SYPL1: variants seen among roughly 807,000 people sequenced by gnomAD.
SYPL1 encodes synaptophysin like 1.
SYPL1 carries 6 observed loss-of-function variants against 23.7 expected under a neutral mutation model. That is an observed-to-expected ratio of 0.25 (90% CI 0.14 to 0.50). The LOEUF is 0.50. Ranked by LOEUF, SYPL1 falls within the 20% of genes least tolerant of loss-of-function variation. The pLI is 0.98. For synonymous variants in SYPL1, 102 were observed against 104.5 expected (o/e 0.98, Z 0.15); for missense variants, 253 against 288.9 (o/e 0.88, Z 0.90).
chr7:106,096,644 T>C lies in SYPL1; in HGVS notation c.402+1046A>G, dbSNP rs910268562. 2.6e-5 allele frequency among the ~76,000 whole-genome samples: 4 copies of C among 152,210 alleles called. No individual in the cohort carries two copies. The highest frequency in any genetic ancestry group is 9.7e-5 in the African/African-American group (4 of 41,446). On this transcript the variant is annotated intron_variant, in intron 3 of 4. Coordinates refer to ENST00000455385, the MANE Select transcript of SYPL1 (RefSeq NM_182715.4). The surrounding 1 kb of genome is among the most constrained non-coding windows in gnomAD (Gnocchi z 4.4). The stretch of plus-strand genomic sequence containing the variant: ...TCAGTAGGCTCTGAAGCCAAAAGTA[T>C]AGGACTTCAAATCTAAGTCCTTTGT...
At chr7:106,098,114 T>C (rs1371076467) in intron 2 of SYPL1, among the ~76,000 whole-genome samples, 2 of 152,226 alleles carry the variant, frequency 1.3e-5, no homozygotes, top group East Asian at 1.9e-4. Flanking sequence ...ACATTGAATA[T>C]AGACTGAATT....
chr7:106,103,188 T>A (rs1331697194), intron 1 of SYPL1, among the ~76,000 whole-genome samples: 2 of 152,192 alleles, frequency 1.3e-5, no homozygotes, highest in African/African-American at 4.8e-5. Flanking sequence ...CCATAGTATA[T>A]TCTTACACTG....
At chr7:106,099,906 C>T (rs1274767874) in intron 1 of SYPL1, among the ~76,000 whole-genome samples, 2 of 152,116 alleles carry the variant, frequency 1.3e-5, no homozygotes, top group Non-Finnish European at 2.9e-5. Flanking sequence ...TTGCAAACCT[C>T]GACAAATGTG....
chr7:106,098,300 A>G (rs1192623918), intron 2 of SYPL1, among the ~76,000 whole-genome samples: 2 of 152,226 alleles, frequency 1.3e-5, no homozygotes, highest in African/African-American at 4.8e-5. Context: ...CTGGATCAAT[A>G]GTTGCTAACA....
rs1840118508 is a variant in SYPL1, at chr7:106,098,041, T to C, written c.195-144A>G. On this transcript the variant is annotated intron_variant, in intron 2 of 4. Coordinates refer to ENST00000455385, the MANE Select transcript of SYPL1 (RefSeq NM_182715.4). ...GGAAAAAAGTAAAATTCAAATATTATATTTAAGTAAACTGAAATTTTCATA... is the reference window on the plus strand; with the variant it reads ...GGAAAAAAGTAAAATTCAAATATTACATTTAAGTAAACTGAAATTTTCATA... 8 of 690,642 alleles carry C rather than the reference T, an allele frequency of 1.2e-5. No individual in the cohort carries two copies. The South Asian group carries it at 1.5e-4, about 13-fold the overall frequency. 42.8% of individuals were successfully genotyped at this position (690,642 alleles called of 1,614,324 possible). A position where few individuals can be genotyped will look rare whatever the true frequency, so the allele number is the denominator to read the frequency against.
At chr7:106,092,443 C>G (rs10241822) in intron 4 of SYPL1, 25,163 of 220,470 alleles carry the variant, frequency 0.11, 2,442 homozygotes, top group African/African-American at 0.3. Flanking sequence ...GAGGCTGAAG[C>G]AGGCAGATCA....
chr7:106,107,245 TTA>T (rs1840650424), intron 1 of SYPL1, among the ~76,000 whole-genome samples: 1 of 147,770 alleles, frequency 6.8e-6, no homozygotes, highest in Non-Finnish European at 1.5e-5. Flanking sequence ...GGTATGATTT[TTA>T]TGAGTCAAAG....
chr7:106,101,777 TA>T (rs368949331), intron 1 of SYPL1, among the ~76,000 whole-genome samples: 255 of 133,320 alleles, frequency 1.9e-3, no homozygotes, highest in Non-Finnish European at 2.1e-3. Flanking sequence ...ACGTTTAAAT[TA>T]AAAAAAAAAA....
intron 1 of SYPL1, among the ~76,000 whole-genome samples, chr7:106,108,941 T>C (rs1790001398): frequency 6.6e-6 from 1 of 152,196 alleles, no homozygotes; most frequent in South Asian, 2.1e-4. Flanking sequence ...ATGAAGCAGA[T>C]AAACTGGTGG....
chr7:106,109,971 G>A lies in SYPL1; in HGVS notation c.69+2169C>T, dbSNP rs1404857574. Among the ~76,000 whole-genome samples the A allele has an allele frequency of 6.6e-6, 1 of 152,130 alleles. No homozygotes were observed. The highest frequency in any genetic ancestry group is 1.5e-5 in the Non-Finnish European group (1 of 68,036). ...AAGGTCAGAATTGGAGGGAGAAATC[G>A]ATTGATTGAGGAATTATGAGTGCCT... On this transcript the variant is annotated intron_variant, in intron 1 of 4. Coordinates refer to ENST00000455385, the MANE Select transcript of SYPL1 (RefSeq NM_182715.4). This position sits in a 1 kb window ranked among gnomAD's most constrained non-coding sequence, Gnocchi z 4.3.
In SYPL1 at chr7:106,095,184, A is replaced by G. The variant is rs1352480057; in HGVS notation, c.403-2047T>C. The stretch of plus-strand genomic sequence containing the variant: ...AAAAAAAAAGTGCTATATTTACTTC[A>G]AAAGAGAATTGAAGTAGATTTAAAT... On this transcript the variant is annotated intron_variant, in intron 3 of 4. Coordinates refer to ENST00000455385, the MANE Select transcript of SYPL1 (RefSeq NM_182715.4). The surrounding 1 kb of genome is among the most constrained non-coding windows in gnomAD (Gnocchi z 4.3). Among the ~76,000 whole-genome samples, 1 of 152,152 alleles carries G rather than the reference A, an allele frequency of 6.6e-6. No individual in the cohort carries two copies. The highest frequency in any genetic ancestry group is 1.5e-5 in the Non-Finnish European group (1 of 68,018).
At position 106,109,970 on chromosome 7, in the gene SYPL1, CGATT is replaced by C. The variant is rs1317244510; in HGVS notation, c.69+2166_69+2169del. 1.3e-5 allele frequency among the ~76,000 whole-genome samples: 2 copies of C among 152,054 alleles called. No individual in the cohort carries two copies. The highest frequency in any genetic ancestry group is 1.3e-4 in the Admixed American group (2 of 15,272). ...AAAGGTCAGAATTGGAGGGAGAAAT[CGATT>C]GATTGAGGAATTATGAGTGCCTAAA... On this transcript the variant is annotated intron_variant, in intron 1 of 4. Transcript: ENST00000455385. This position sits in a 1 kb window ranked among gnomAD's most constrained non-coding sequence, Gnocchi z 4.3.
intron 1 of SYPL1, among the ~76,000 whole-genome samples, chr7:106,108,553 A>C (rs10234891): frequency 0.15 from 23,406 of 151,984 alleles, 2,214 homozygotes; most frequent in East Asian, 0.31. Context: ...AACCACCAAC[A>C]TAAGTGAACA....
At chr7:106,106,563 A>T (rs1186294603) in intron 1 of SYPL1, among the ~76,000 whole-genome samples, 1 of 149,300 alleles carries the variant, frequency 6.7e-6, no homozygotes, top group Non-Finnish European at 1.5e-5. Context: ...AAAAAAAAAA[A>T]GACTCTGGAG....
intron 1 of SYPL1, among the ~76,000 whole-genome samples, chr7:106,108,280 T>A (rs553310824): frequency 4.5e-4 from 68 of 152,348 alleles, no homozygotes; most frequent in African/African-American, 1.6e-3. Flanking sequence ...AGTGAATCAA[T>A]ATCCTGATTG....
rs933016494 is a variant in SYPL1, at chr7:106,096,614, C to G, written c.402+1076G>C. Among the ~76,000 whole-genome samples, 1 of 152,168 alleles carries G rather than the reference C, an allele frequency of 6.6e-6. No homozygotes were observed. On this transcript the variant is annotated intron_variant, in intron 3 of 4. Coordinates refer to ENST00000455385, the MANE Select transcript of SYPL1 (RefSeq NM_182715.4). The surrounding 1 kb of genome is among the most constrained non-coding windows in gnomAD (Gnocchi z 4.4). Reference sequence around the variant, plus strand: ...ACTAACTAAATCTCAGAGAATATTTCTAGCTCAGTAGGCTCTGAAGCCAAA... The same window carrying G: ...ACTAACTAAATCTCAGAGAATATTTGTAGCTCAGTAGGCTCTGAAGCCAAA...
intron 1 of SYPL1, among the ~76,000 whole-genome samples, chr7:106,101,874 G>T (rs1840342007): frequency 6.6e-6 from 1 of 151,880 alleles, no homozygotes; most frequent in African/African-American, 2.4e-5. Flanking sequence ...AAGACAAATT[G>T]TATCTAACAG....
At chr7:106,101,079 T>C (rs576884561) in intron 1 of SYPL1, among the ~76,000 whole-genome samples, 2 of 152,202 alleles carry the variant, frequency 1.3e-5, no homozygotes, top group Non-Finnish European at 2.9e-5. Context: ...TGTTCCAGTA[T>C]GACCTTCTCA....
chr7:106,102,096 C>T (rs935676568), intron 1 of SYPL1, among the ~76,000 whole-genome samples: 1 of 146,976 alleles, frequency 6.8e-6, no homozygotes, highest in African/African-American at 2.5e-5. Flanking sequence ...AAGATTACAA[C>T]TTTTTTTTTT....
Sources: gnomAD v4.1 joint callset for allele counts (sites outside exome capture counted in the v4.1 genomes callset) on GRCh38, gnomAD v4.1.1 for gene constraint, Gnocchi (gnomAD v3.1) non-coding constraint, MANE v1.5 for transcripts, NCBI Gene and HGNC (gene_info 2026-07-23, HGNC 2026-07-21) for gene names.